CTNND2: variants seen among roughly 807,000 people sequenced by gnomAD.
The protein encoded by CTNND2 is catenin delta-2.
CTNND2 carries 22 observed loss-of-function variants against 144.4 expected under a neutral mutation model. The ratio of observed to expected loss-of-function variants is 0.15; its 90% CI spans 0.11 to 0.22. The LOEUF (loss-of-function observed/expected upper bound fraction) is 0.22. Ranked by LOEUF, CTNND2 falls within the 10% of genes least tolerant of loss-of-function variation. The pLI, the probability that CTNND2 is intolerant of heterozygous loss-of-function variation, is 1.00. For synonymous variants in CTNND2, 751 were observed against 695.6 expected (o/e 1.08, Z -1.25); for missense variants, 1,353 against 1,618.8 (o/e 0.84, Z 2.82).
chr5:11,457,753 T>C (rs577015237), intron 3 of CTNND2, among the ~76,000 whole-genome samples: 1 of 152,296 alleles, frequency 6.6e-6, no homozygotes, highest in South Asian at 2.1e-4. Flanking sequence ...ATTTCTGCCA[T>C]CATCATGGGT....
At chr5:11,856,776 A>G (rs1795271997) in intron 1 of CTNND2, among the ~76,000 whole-genome samples, 1 of 152,198 alleles carries the variant, frequency 6.6e-6, no homozygotes, top group South Asian at 2.1e-4. Flanking sequence ...AGCTATCTAT[A>G]ATATTTTTAA....
chr5:11,897,754 T>C (rs1582087664), intron 1 of CTNND2, among the ~76,000 whole-genome samples: 1 of 152,148 alleles, frequency 6.6e-6, no homozygotes. Context: ...AGTGTCAAAA[T>C]ACCATGAAAT....
rs546479578 is a variant in CTNND2 at position 11,062,985 on chromosome 5, C to T, written c.2788+19711G>A. On this transcript the variant is annotated intron_variant, in intron 16 of 21. Transcript: ENST00000304623. ...ATGGACAATTCATCGTTTTCTTCAACGGGGCAGTTTCCAGTTCTTTACCTT... is the reference window on the plus strand; with the variant it reads ...ATGGACAATTCATCGTTTTCTTCAATGGGGCAGTTTCCAGTTCTTTACCTT... 6.2e-4 allele frequency among the ~76,000 whole-genome samples: 95 copies of T among 152,212 alleles called. 1 individual carries two copies. The South Asian group carries it at 0.018, about 28-fold the overall frequency.
At chr5:11,562,643 C>G (rs1776770837) in intron 3 of CTNND2, among the ~76,000 whole-genome samples, 1 of 152,164 alleles carries the variant, frequency 6.6e-6, no homozygotes, top group South Asian at 2.1e-4. Flanking sequence ...AGATTTAAGA[C>G]AGATTTATTG....
chr5:11,771,796 T>C (rs1490715312), intron 1 of CTNND2, among the ~76,000 whole-genome samples: 4 of 152,196 alleles, frequency 2.6e-5, no homozygotes, highest in African/African-American at 9.7e-5. Flanking sequence ...ATGGAAACCT[T>C]TGCTTGCTTG....
rs373434245 is a variant in CTNND2 at position 11,397,002 on chromosome 5, A to C, written c.612+29T>G. On this transcript the variant is annotated intron_variant, in intron 6 of 21. Transcript: ENST00000304623. The stretch of plus-strand genomic sequence containing the variant: ...TTCCCCACCTGTCCCCTTGGAGTCC[A>C]CTGACACCATACAGCACTGGGTACC... 7.5e-6 allele frequency: 12 copies of C among 1,591,974 alleles called. 1 individual carries two copies. Among genetic ancestry groups the C allele is most frequent in the Non-Finnish European group, 1.0e-5 (12 of 1,166,428 alleles).
chr5:11,219,901 G>C (rs970321338), intron 10 of CTNND2, among the ~76,000 whole-genome samples: 2 of 152,114 alleles, frequency 1.3e-5, no homozygotes, highest in African/African-American at 4.8e-5. Flanking sequence ...TCTTAGAATA[G>C]GGTAGAGTTG....
At chr5:11,485,200 T>TA (rs1398069308) in intron 3 of CTNND2, among the ~76,000 whole-genome samples, 3 of 151,936 alleles carry the variant, frequency 2.0e-5, no homozygotes, top group Admixed American at 2.0e-4. Context: ...GAAAGAAACA[T>TA]AAAAACAAAA....
intron 9 of CTNND2, among the ~76,000 whole-genome samples, chr5:11,305,496 T>C (rs934543173): frequency 2.6e-5 from 4 of 152,206 alleles, no homozygotes; most frequent in African/African-American, 9.6e-5. Flanking sequence ...CTGATGTAGG[T>C]GGCTCTTGTG....
At chr5:11,293,599 A>G (rs1748590694) in intron 9 of CTNND2, among the ~76,000 whole-genome samples, 1 of 151,860 alleles carries the variant, frequency 6.6e-6, no homozygotes, top group Non-Finnish European at 1.5e-5. Flanking sequence ...CAAAAATTAC[A>G]TTCTAAAAAC....
At chr5:11,856,750 A>T (rs1287554323) in intron 1 of CTNND2, among the ~76,000 whole-genome samples, 1 of 152,206 alleles carries the variant, frequency 6.6e-6, no homozygotes, top group Non-Finnish European at 1.5e-5. Context: ...ACTTACTGGT[A>T]ACATGGCTGA....
At chr5:11,420,393 A>G (rs186413907) in intron 3 of CTNND2, among the ~76,000 whole-genome samples, 79 of 152,310 alleles carry the variant, frequency 5.2e-4, no homozygotes, top group African/African-American at 1.8e-3. Context: ...CTTTATATTG[A>G]TGATGTCCAT....
chr5:11,169,897 GC>G (rs1326314458), intron 11 of CTNND2, among the ~76,000 whole-genome samples: 1 of 151,552 alleles, frequency 6.6e-6, no homozygotes, highest in African/African-American at 2.4e-5. Context: ...AAGAGCAACA[GC>G]TTTTTCACAG....
chr5:11,684,415 TA>T (rs1019753397), intron 2 of CTNND2, among the ~76,000 whole-genome samples: 23 of 152,298 alleles, frequency 1.5e-4, no homozygotes, highest in African/African-American at 4.3e-4. Flanking sequence ...ATGTTATTTT[TA>T]ATAGAAGAGA....
chr5:11,776,357 C>A (rs1243022273), intron 1 of CTNND2, among the ~76,000 whole-genome samples: 2 of 152,008 alleles, frequency 1.3e-5, no homozygotes, highest in East Asian at 3.9e-4. Flanking sequence ...AGATAGATAC[C>A]CAACAACAAT....
At chr5:11,137,187 C>G (rs544891669) in intron 12 of CTNND2, among the ~76,000 whole-genome samples, 2 of 152,182 alleles carry the variant, frequency 1.3e-5, no homozygotes, top group Non-Finnish European at 2.9e-5. Context: ...TCTGGAGGAG[C>G]TGAATGACAG....
intron 3 of CTNND2, among the ~76,000 whole-genome samples, chr5:11,561,237 G>C (rs1776662037): frequency 6.6e-6 from 1 of 152,200 alleles, no homozygotes; most frequent in Non-Finnish European, 1.5e-5. Flanking sequence ...CATCTGTATA[G>C]TGTTCCTGCC....
chr5:11,821,752 T>C (rs1168779588), intron 1 of CTNND2, among the ~76,000 whole-genome samples: 1 of 152,216 alleles, frequency 6.6e-6, no homozygotes, highest in African/African-American at 2.4e-5. Flanking sequence ...AAGAGAGATT[T>C]AAATTCGCTT....
At chr5:11,382,491 G>A (rs7724635) in intron 7 of CTNND2, among the ~76,000 whole-genome samples, 2 of 151,876 alleles carry the variant, frequency 1.3e-5, no homozygotes, top group African/African-American at 2.4e-5. Context: ...CCCAGCTATC[G>A]GGAGGCTGAG....
Sources: gnomAD v4.1 joint callset for allele counts (sites outside exome capture counted in the v4.1 genomes callset) on GRCh38, gnomAD v4.1.1 for gene constraint, MANE v1.5 for transcripts, NCBI Gene and HGNC (gene_info 2026-07-23, HGNC 2026-07-21) for gene names.